Variants in SCAPER observed in about 807,000 individuals in gnomAD.
The protein encoded by SCAPER is S phase cyclin A-associated protein in the endoplasmic reticulum.
A neutral mutation model predicts 182.2 loss-of-function variants in SCAPER; 98 were observed. The observed-to-expected ratio is 0.54, with a 90% CI of 0.46 to 0.64. The LOEUF (loss-of-function observed/expected upper bound fraction) is 0.64, where lower values mean the gene tolerates loss of function less well. Ranked by LOEUF, SCAPER falls within the 30% of genes least tolerant of loss-of-function variation. The pLI is 0.00. For synonymous variants in SCAPER, 605 were observed against 564.6 expected (o/e 1.07, Z -1.01); for missense variants, 1,432 against 1,690.0 (o/e 0.85, Z 2.68).
rs543753953 is a variant in SCAPER, at chr15:76,719,046, T to C, written c.2165+9549A>G. 2.0e-5 allele frequency among the ~76,000 whole-genome samples: 3 copies of C among 152,280 alleles called. No individual in the cohort carries two copies. In the South Asian group the frequency reaches 6.2e-4, roughly 32 times the overall value. On this transcript the variant is annotated intron_variant, in intron 17 of 31. Coordinates refer to ENST00000563290, the MANE Select transcript of SCAPER (RefSeq NM_020843.4). ...CATAGGACCCAGCTGATCCCTCTTC[T>C]GGCAATATACCCAAAGGAAATGGAA...
At chr15:76,677,763 A>C (rs2057450995) in intron 20 of SCAPER, among the ~76,000 whole-genome samples, 1 of 150,334 alleles carries the variant, frequency 6.7e-6, no homozygotes, top group Non-Finnish European at 1.5e-5. Flanking sequence ...TCCTAACATA[A>C]TTTACCGTAT....
intron 30 of SCAPER, among the ~76,000 whole-genome samples, chr15:76,352,140 T>A (rs141632299): frequency 6.6e-6 from 1 of 152,366 alleles, no homozygotes; most frequent in East Asian, 1.9e-4. Context: ...GTCTCTTTGT[T>A]GAAGCCTCTC....
chr15:76,725,702 G>A (rs2060545591), intron 17 of SCAPER, among the ~76,000 whole-genome samples: 1 of 151,984 alleles, frequency 6.6e-6, no homozygotes, highest in Non-Finnish European at 1.5e-5. Flanking sequence ...TTGTATGTAA[G>A]TCAAATAATT....
At chr15:76,845,616 A>T (rs770535808) in intron 4 of SCAPER, among the ~76,000 whole-genome samples, 6 of 152,120 alleles carry the variant, frequency 3.9e-5, no homozygotes, top group Non-Finnish European at 8.8e-5. Context: ...AGTAGACACA[A>T]ATAAAATTAA....
intron 20 of SCAPER, among the ~76,000 whole-genome samples, chr15:76,679,558 G>A (rs2057568350): frequency 6.6e-6 from 1 of 152,162 alleles, no homozygotes; most frequent in Non-Finnish European, 1.5e-5. Context: ...CCTTTCCACA[G>A]ATGTAGGATA....
At chr15:76,631,408 G>A (rs903956753) in intron 21 of SCAPER, among the ~76,000 whole-genome samples, 2 of 152,192 alleles carry the variant, frequency 1.3e-5, no homozygotes, top group Non-Finnish European at 2.9e-5. Flanking sequence ...ATGTCAGCGT[G>A]TTTTTGTAGT....
intron 22 of SCAPER, among the ~76,000 whole-genome samples, chr15:76,613,101 G>A (rs142186283): frequency 1.2e-3 from 187 of 152,148 alleles, no homozygotes; most frequent in African/African-American, 4.0e-3. Context: ...AGAATAGAGC[G>A]CCCAGAAATA....
At chr15:76,757,320 T>G (rs761724771) in intron 14 of SCAPER, among the ~76,000 whole-genome samples, 1 of 152,114 alleles carries the variant, frequency 6.6e-6, no homozygotes, top group Admixed American at 6.6e-5. Context: ...TTTCCCATAT[T>G]CCACATAGAA....
At chr15:76,755,819 G>C (rs933378304) in intron 14 of SCAPER, among the ~76,000 whole-genome samples, 1 of 152,186 alleles carries the variant, frequency 6.6e-6, no homozygotes. Flanking sequence ...CACTTGGGCT[G>C]TAGAAAGGTA....
At chr15:76,489,479 C>T (rs914369784) in intron 24 of SCAPER, among the ~76,000 whole-genome samples, 3 of 151,610 alleles carry the variant, frequency 2.0e-5, no homozygotes, top group African/African-American at 7.3e-5. Context: ...TTTTCTATTC[C>T]TGTAGTTTTG....
intron 20 of SCAPER, among the ~76,000 whole-genome samples, chr15:76,701,021 TCA>T (rs1231734963): frequency 2.6e-5 from 4 of 151,504 alleles, no homozygotes; most frequent in Non-Finnish European, 5.9e-5. Flanking sequence ...TGGTTTTATA[TCA>T]GTTTATACAT....
At chr15:76,594,311 G>A (rs907305644) in intron 22 of SCAPER, among the ~76,000 whole-genome samples, 3 of 120,266 alleles carry the variant, frequency 2.5e-5, no homozygotes, top group African/African-American at 5.1e-5. Flanking sequence ...AAGCCCCCAA[G>A]AAATACGGGA....
intron 25 of SCAPER, among the ~76,000 whole-genome samples, chr15:76,464,791 T>C (rs2049468681): frequency 6.6e-6 from 1 of 152,166 alleles, no homozygotes; most frequent in Non-Finnish European, 1.5e-5. Flanking sequence ...AATCATATGG[T>C]AGTTCTCTTT....
chr15:76,875,404 C>T (rs145441713), intron 2 of SCAPER, among the ~76,000 whole-genome samples: 1 of 152,260 alleles, frequency 6.6e-6, no homozygotes, highest in East Asian at 1.9e-4. Flanking sequence ...AAAACTTTGG[C>T]AGGCCAAAGT....
chr15:76,819,111 A>G (rs1317397943), intron 5 of SCAPER, among the ~76,000 whole-genome samples: 1 of 152,242 alleles, frequency 6.6e-6, no homozygotes, highest in Non-Finnish European at 1.5e-5. Context: ...GGTGGAGCCC[A>G]CCACTGCTCA....
chr15:76,889,503 A>G (rs2074047910), intron 1 of SCAPER, among the ~76,000 whole-genome samples: 1 of 152,228 alleles, frequency 6.6e-6, no homozygotes, highest in African/African-American at 2.4e-5. Context: ...GAGAGCAAAA[A>G]AAAGCAGGGG....
At chr15:76,435,696 C>T (rs1235731659) in intron 25 of SCAPER, among the ~76,000 whole-genome samples, 3 of 152,208 alleles carry the variant, frequency 2.0e-5, no homozygotes, top group Admixed American at 6.5e-5. Flanking sequence ...TGAGATTCTG[C>T]ATGTTTAAAA....
intron 6 of SCAPER, among the ~76,000 whole-genome samples, chr15:76,802,173 T>C (rs1414589337): frequency 6.6e-6 from 1 of 150,978 alleles, no homozygotes; most frequent in Non-Finnish European, 1.5e-5. Context: ...AAAAAGAAAA[T>C]AAAGATTTAT....
intron 10 of SCAPER, among the ~76,000 whole-genome samples, chr15:76,768,058 A>G (rs574295584): frequency 6.6e-6 from 1 of 152,316 alleles, no homozygotes; most frequent in East Asian, 1.9e-4. Flanking sequence ...TTCAAAATAT[A>G]TAAGGCAAAA....
Sources: gnomAD v4.1 joint callset for allele counts (sites outside exome capture counted in the v4.1 genomes callset) on GRCh38, gnomAD v4.1.1 for gene constraint, MANE v1.5 for transcripts, NCBI Gene and HGNC (gene_info 2026-07-23, HGNC 2026-07-21) for gene names.